The following KAZN variants were observed in gnomAD, a reference collection of about 807,000 sequenced individuals.
KAZN encodes kazrin, periplakin interacting protein, also known as kazrin.
In KAZN, 40 loss-of-function variants were observed where a neutral mutation model predicts 87.4. The observed-to-expected ratio is 0.46, with a 90% CI of 0.36 to 0.60. The LOEUF (loss-of-function observed/expected upper bound fraction) is 0.60. Among genes scored for constraint, KAZN ranks in the 20% least tolerant of loss-of-function variants. The pLI is 0.00. For missense variants in KAZN, 898 were observed against 1,073.9 expected, an observed-to-expected ratio of 0.84 and a Z score of 2.29; for synonymous variants, 466 against 458.3, an observed-to-expected ratio of 1.02 and a Z score of -0.22.
intron 1 of KAZN, among the ~76,000 whole-genome samples, chr1:14,616,282 C>T (rs935004002): frequency 1.3e-5 from 2 of 152,132 alleles, no homozygotes; most frequent in African/African-American, 2.4e-5. Flanking sequence ...CTTCCTCATG[C>T]GGTGTCCCAG....
chr1:14,592,829 C>T, intron 2 of KAZN, among the ~76,000 whole-genome samples: 1 of 152,206 alleles, frequency 6.6e-6, no homozygotes. Context: ...TCCACCTTGT[C>T]CCACGTACGG....
chr1:14,247,114 A>G (rs1463100801), intron 2 of KAZN, among the ~76,000 whole-genome samples: 1 of 152,184 alleles, frequency 6.6e-6, no homozygotes, highest in Non-Finnish European at 1.5e-5. Flanking sequence ...GGGAGTAGAT[A>G]AGGAACATTT....
chr1:13,940,791 T>A (rs1238238367), intron 1 of KAZN, among the ~76,000 whole-genome samples: 2 of 152,228 alleles, frequency 1.3e-5, no homozygotes, highest in Admixed American at 6.5e-5. Flanking sequence ...TCCATTTTTT[T>A]AAACTTTTAC....
chr1:14,882,552 G>A (rs1379453801), intron 1 of KAZN, among the ~76,000 whole-genome samples: 3 of 152,174 alleles, frequency 2.0e-5, no homozygotes, highest in African/African-American at 7.2e-5. Flanking sequence ...TTCTGTTATA[G>A]ACCTGGTATT....
chr1:14,815,804 A>G (rs6658818), intron 1 of KAZN, among the ~76,000 whole-genome samples: 38,447 of 152,006 alleles, frequency 0.25, 5,336 homozygotes, highest in African/African-American at 0.36. Context: ...CTCCATATCC[A>G]CATCAGGCAG....
chr1:14,102,174 C>T (rs1270561822), intron 1 of KAZN, among the ~76,000 whole-genome samples: 1 of 152,134 alleles, frequency 6.6e-6, no homozygotes, highest in African/African-American at 2.4e-5. Context: ...TACACAAAAT[C>T]CAGAGTCCCG....
chr1:14,796,209 C>T (rs528091632), intron 1 of KAZN, among the ~76,000 whole-genome samples: 1 of 152,300 alleles, frequency 6.6e-6, no homozygotes, highest in East Asian at 1.9e-4. Context: ...GCCTGGGTCT[C>T]ACTCCTGCAA....
intron 2 of KAZN, among the ~76,000 whole-genome samples, chr1:14,397,872 A>AG (rs1663033777): frequency 6.6e-6 from 1 of 151,614 alleles, no homozygotes; most frequent in African/African-American, 2.4e-5. Context: ...AAAAAAAAAA[A>AG]AAAAAAAAAA....
At chr1:14,684,086 C>T (rs576053875) in intron 1 of KAZN, among the ~76,000 whole-genome samples, 4 of 152,188 alleles carry the variant, frequency 2.6e-5, no homozygotes, top group Non-Finnish European at 5.9e-5. Context: ...TTTTATTACT[C>T]AGGTACCAAG....
intron 2 of KAZN, among the ~76,000 whole-genome samples, chr1:14,524,098 T>C (rs769034544): frequency 6.6e-6 from 1 of 152,036 alleles, no homozygotes; most frequent in Non-Finnish European, 1.5e-5. Flanking sequence ...CTCGGCTCAC[T>C]GCAACCTCTG....
intron 8 of KAZN, among the ~76,000 whole-genome samples, chr1:15,082,117 C>T (rs977545232): frequency 6.6e-6 from 1 of 152,126 alleles, no homozygotes; most frequent in Non-Finnish European, 1.5e-5. Flanking sequence ...CCTCACCAAG[C>T]TCACTGCCTC....
At chr1:14,034,653 G>T (rs987698246) in intron 1 of KAZN, among the ~76,000 whole-genome samples, 5 of 152,154 alleles carry the variant, frequency 3.3e-5, no homozygotes, top group Non-Finnish European at 7.3e-5. Flanking sequence ...TCCCCCACTA[G>T]ATTATACACA....
chr1:14,092,805 G>A (rs1644037331), intron 1 of KAZN, among the ~76,000 whole-genome samples: 1 of 151,918 alleles, frequency 6.6e-6, no homozygotes, highest in South Asian at 2.1e-4. Context: ...TTTTTGCATT[G>A]ATTTACAAGT....
chr1:14,584,111 C>T (rs538352606), intron 2 of KAZN, among the ~76,000 whole-genome samples: 1 of 152,296 alleles, frequency 6.6e-6, no homozygotes, highest in African/African-American at 2.4e-5. Flanking sequence ...ACTCCCCCAG[C>T]CCTGGACAAG....
At chr1:14,129,345 A>C (rs191807266) in intron 1 of KAZN, among the ~76,000 whole-genome samples, 65 of 152,304 alleles carry the variant, frequency 4.3e-4, no homozygotes, top group African/African-American at 1.5e-3. Context: ...TATGGAGTGA[A>C]CACTCTGCCA....
chr1:15,087,508 T>C (rs977575977), intron 8 of KAZN, among the ~76,000 whole-genome samples: 2 of 152,100 alleles, frequency 1.3e-5, no homozygotes, highest in Non-Finnish European at 2.9e-5. Flanking sequence ...TTCTCCTGCC[T>C]CGGCCTCCCG....
intron 2 of KAZN, 102 bp from the exon 3 acceptor site, chr1:15,034,647 C>T: frequency 7.2e-7 from 1 of 1,381,666 alleles, no homozygotes; most frequent in Admixed American, 2.2e-5. Context: ...CCTGTTTTCT[C>T]ACCTGTTACA....
chr1:14,778,955 G>A (rs1645255617), intron 1 of KAZN, among the ~76,000 whole-genome samples: 1 of 152,146 alleles, frequency 6.6e-6, no homozygotes, highest in African/African-American at 2.4e-5. Flanking sequence ...AACACTGGGA[G>A]CCTGAGGCCT....
At chr1:14,621,616 A>G (rs1678702428) in intron 1 of KAZN, among the ~76,000 whole-genome samples, 1 of 152,204 alleles carries the variant, frequency 6.6e-6, no homozygotes. Context: ...CTCACCTTGA[A>G]TTGTAATAAT....
Sources: allele counts gnomAD v4.1 joint callset (sites outside exome capture counted in the v4.1 genomes callset), GRCh38; gene constraint gnomAD v4.1.1; transcripts MANE v1.5; gene names NCBI Gene and HGNC (gene_info 2026-07-23, HGNC 2026-07-21).